PCDH9: variants seen among roughly 807,000 people sequenced by gnomAD.
The protein encoded by PCDH9 is protocadherin 9.
In PCDH9, 24 loss-of-function variants were observed where a neutral mutation model predicts 70.6. That is an observed-to-expected ratio of 0.34 (90% CI 0.25 to 0.48). PCDH9 has a LOEUF of 0.48. Ranked by LOEUF, PCDH9 falls within the 20% of genes least tolerant of loss-of-function variation. The pLI, the probability that PCDH9 is intolerant of heterozygous loss-of-function variation, is 0.99. For synonymous variants in PCDH9, 562 were observed against 558.5 expected (o/e 1.01, Z -0.09); for missense variants, 1,281 against 1,503.6 (o/e 0.85, Z 2.45).
intron 2 of PCDH9, among the ~76,000 whole-genome samples, chr13:66,911,374 C>T (rs2082463182): frequency 6.6e-6 from 1 of 152,138 alleles, no homozygotes; most frequent in African/African-American, 2.4e-5. Context: ...AATTACTATA[C>T]TTCTAACCTC....
At chr13:66,797,393 C>T (rs1216954261) in intron 3 of PCDH9, among the ~76,000 whole-genome samples, 1 of 152,058 alleles carries the variant, frequency 6.6e-6, no homozygotes, top group African/African-American at 2.4e-5. Flanking sequence ...AATTAGACTC[C>T]AGCACTTTAC....
chr13:66,904,354 A>G (rs2082325618), intron 2 of PCDH9, among the ~76,000 whole-genome samples: 1 of 151,992 alleles, frequency 6.6e-6, no homozygotes, highest in African/African-American at 2.4e-5. Flanking sequence ...TCATGTGAAA[A>G]TAAGACATTT....
At chr13:66,461,756 A>G (rs998936178) in intron 4 of PCDH9, among the ~76,000 whole-genome samples, 5 of 151,878 alleles carry the variant, frequency 3.3e-5, no homozygotes, top group African/African-American at 9.7e-5. Flanking sequence ...TTTAGACACA[A>G]TATCAATTGC....
chr13:66,776,044 C>G (rs1220284089), intron 3 of PCDH9, among the ~76,000 whole-genome samples: 1 of 152,168 alleles, frequency 6.6e-6, no homozygotes, highest in Non-Finnish European at 1.5e-5. Flanking sequence ...TGTTCAGGAT[C>G]TCACTCTGTT....
At chr13:66,816,543 C>A (rs568184240) in intron 3 of PCDH9, among the ~76,000 whole-genome samples, 1 of 152,148 alleles carries the variant, frequency 6.6e-6, no homozygotes, top group Non-Finnish European at 1.5e-5. Flanking sequence ...ATGTTCTCTT[C>A]CTACCCTCTC....
intron 3 of PCDH9, among the ~76,000 whole-genome samples, chr13:66,869,552 T>C (rs901688205): frequency 1.3e-5 from 2 of 152,148 alleles, no homozygotes; most frequent in Non-Finnish European, 1.5e-5. Flanking sequence ...TTTCCCATCT[T>C]TCTTTTTTGC....
chr13:67,225,462 G>A lies in PCDH9; in HGVS notation c.2979C>T (p.Ala993=). Residue 993 remains alanine (A), a synonymous_variant, in exon 2 of 5, where the codon GCC becomes GCT. Coordinates refer to ENST00000377865, the MANE Select transcript of PCDH9 (RefSeq NM_203487.3). ...RSSTSSDHFS[A]SECSSQGGFK... is the part of the protein sequence containing the mutation. ...AGCCTCCTTGGGAACTGCACTCTGA[G>A]GCACTGAAGTGATCTGAACTAGTGG... 1 of 1,614,082 alleles carries A rather than the reference G, an allele frequency of 6.2e-7. No homozygotes were observed. Among genetic ancestry groups the A allele is most frequent in the African/African-American group, 1.3e-5 (1 of 75,052 alleles).
At chr13:66,782,342 A>G (rs1447180989) in intron 3 of PCDH9, among the ~76,000 whole-genome samples, 3 of 152,162 alleles carry the variant, frequency 2.0e-5, no homozygotes, top group African/African-American at 7.2e-5. Context: ...AAAGCAAGAG[A>G]GAATGCAGGA....
chr13:67,031,456 G>C (rs996307840), intron 2 of PCDH9, among the ~76,000 whole-genome samples: 2 of 152,066 alleles, frequency 1.3e-5, no homozygotes, highest in Admixed American at 6.6e-5. Context: ...TGTAATCCCA[G>C]CACTTTGGTA....
intron 2 of PCDH9, among the ~76,000 whole-genome samples, chr13:66,927,505 C>T (rs1357060692): frequency 6.6e-6 from 1 of 151,940 alleles, no homozygotes; most frequent in Non-Finnish European, 1.5e-5. Context: ...ACAAGTTTAC[C>T]TATGTAACAA....
chr13:67,009,882 T>C (rs1484876489), intron 2 of PCDH9, among the ~76,000 whole-genome samples: 1 of 151,960 alleles, frequency 6.6e-6, no homozygotes, highest in African/African-American at 2.4e-5. Context: ...GTAAACACTA[T>C]ACATTGGAAT....
chr13:66,492,069 G>A (rs920631641), intron 4 of PCDH9, among the ~76,000 whole-genome samples: 3 of 152,110 alleles, frequency 2.0e-5, no homozygotes, highest in Non-Finnish European at 2.9e-5. Context: ...ATTTGTGCTC[G>A]GGTTTCTGAG....
At chr13:67,156,935 T>G (rs776260998) in intron 2 of PCDH9, among the ~76,000 whole-genome samples, 1 of 152,176 alleles carries the variant, frequency 6.6e-6, no homozygotes, top group Non-Finnish European at 1.5e-5. Context: ...ACTGAACCTT[T>G]CCCGTTTCAC....
chr13:66,310,643 T>C (rs1955545528), intron 4 of PCDH9, among the ~76,000 whole-genome samples: 1 of 152,100 alleles, frequency 6.6e-6, no homozygotes, highest in Non-Finnish European at 1.5e-5. Context: ...TTCTGGTTAG[T>C]TTTCATACTG....
intron 4 of PCDH9, among the ~76,000 whole-genome samples, chr13:66,617,291 T>C (rs1282283651): frequency 1.3e-5 from 2 of 152,172 alleles, no homozygotes; most frequent in East Asian, 3.9e-4. Flanking sequence ...CTCCCTCACA[T>C]ACCCCGGTAT....
chr13:66,932,776 T>C (rs1260074373), intron 2 of PCDH9, among the ~76,000 whole-genome samples: 1 of 150,602 alleles, frequency 6.6e-6, no homozygotes, highest in Non-Finnish European at 1.5e-5. Context: ...TTTTAACTTA[T>C]ACATTACAAA....
At chr13:66,857,603 A>G (rs1471175708) in intron 3 of PCDH9, among the ~76,000 whole-genome samples, 1 of 152,180 alleles carries the variant, frequency 6.6e-6, no homozygotes, top group Non-Finnish European at 1.5e-5. Context: ...ATACCCTAAT[A>G]TAAAGTACAT....
Position 66,427,961 on chromosome 13 carries a change from TTA to T in PCDH9, c.3341-122935_3341-122934del, listed in dbSNP as rs151119247. ...AAGCAATACAACAAGATAATTAATA[TTA>T]TATGTTTTGAGGTAATCAAATATTA... On this transcript the variant is annotated intron_variant, in intron 4 of 4. Transcript: ENST00000377865. 3.5e-3 allele frequency among the ~76,000 whole-genome samples: 531 copies of T among 151,880 alleles called. 15 individuals are homozygous for T. In the East Asian group the frequency reaches 0.061, roughly 17 times the overall value.
intron 2 of PCDH9, among the ~76,000 whole-genome samples, chr13:67,190,629 T>C (rs1330996798): frequency 1.3e-5 from 2 of 152,040 alleles, no homozygotes; most frequent in Admixed American, 1.3e-4. Context: ...GCTGTTAATG[T>C]AAATTAGTAA....
Sources: gnomAD v4.1 joint callset for allele counts (sites outside exome capture counted in the v4.1 genomes callset) on GRCh38, gnomAD v4.1.1 for gene constraint, MANE v1.5 for transcripts, NCBI Gene and HGNC (gene_info 2026-07-23, HGNC 2026-07-21) for gene names.